Variants in FAM111B observed in about 807,000 individuals in gnomAD.
FAM111B encodes the protein FAM111 trypsin like peptidase B, also known as serine protease FAM111B.
A neutral mutation model predicts 2.8 loss-of-function variants in FAM111B; 1 was observed. The observed-to-expected ratio is 0.36, with a 90% CI of 0.13 to 1.70. FAM111B has a LOEUF of 1.70. Ranked by LOEUF, FAM111B falls within the 40% of genes most tolerant of loss-of-function variation. The probability of loss-of-function intolerance (pLI) is 0.35; values close to 1 mark genes in which losing one functional copy is unlikely to be tolerated. For missense variants in FAM111B, 882 were observed against 878.9 expected, an observed-to-expected ratio of 1.00 and a Z score of -0.04; for synonymous variants, 297 against 295.6, an observed-to-expected ratio of 1.00 and a Z score of -0.05.
intron 1 of FAM111B, 102 bp from the exon 2 acceptor site, chr11:59,108,566 C>G (rs1209346978): frequency 6.4e-6 from 1 of 156,316 alleles, no homozygotes; most frequent in Non-Finnish European, 1.4e-5. Context: ...TTATAGGATA[C>G]ATTTCAATTG....
chr11:59,124,236 A>G lies in FAM111B; in HGVS notation c.139A>G (p.Ile47Val), dbSNP rs1859970012. ...ACCTGTTGATCATTGTCTATCTGGC[A>G]TAAGAAAGTGTAGCAGCACCTTTAA... ...DTPVDHCLSG[I>V]RKCSSTFKLK... The change falls in exon 4 of 4, where the codon ATA (isoleucine) becomes GTA (valine). Residue 47 changes from isoleucine to valine, a missense_variant. By Grantham distance (29) the Ile-to-Val change is conservative. Coordinates refer to ENST00000343597, the MANE Select transcript of FAM111B (RefSeq NM_198947.4). 1.2e-6 allele frequency: 2 copies of G among 1,613,870 alleles called. No homozygotes were observed. Among genetic ancestry groups the G allele is most frequent in the South Asian group, 1.1e-5 (1 of 91,064 alleles).
chr11:59,114,820 A>C (rs374535419), intron 3 of FAM111B, among the ~76,000 whole-genome samples: 3 of 152,038 alleles, frequency 2.0e-5, no homozygotes, highest in African/African-American at 7.2e-5. Context: ...GTGTGTGTGC[A>C]TGCACGTGTG....
chr11:59,126,397 T>C lies in FAM111B; in HGVS notation c.*95T>C, dbSNP rs1447786856. 2 of 1,041,866 alleles carry C rather than the reference T, an allele frequency of 1.9e-6. No homozygotes were observed. The highest frequency in any genetic ancestry group is 2.7e-6 in the Non-Finnish European group (2 of 738,776). The allele number at this position is 1,041,866 out of a possible 1,614,324, so 64.5% of individuals were successfully genotyped here. A position where few individuals can be genotyped will look rare whatever the true frequency, so the allele number is the denominator to read the frequency against. On this transcript the variant is annotated 3_prime_UTR_variant, in exon 4 of 4. Transcript: ENST00000343597. ...AAGCAATTGCAACAAAAGTGAAAAT[T>C]GGCAAATGAGACCTAATTAAATCTT...
intron 3 of FAM111B, among the ~76,000 whole-genome samples, chr11:59,110,975 T>C (rs1366196536): frequency 2.0e-5 from 3 of 152,204 alleles, no homozygotes; most frequent in African/African-American, 7.2e-5. Context: ...ATAAAATGGA[T>C]TCGCTGGTTC....
Position 59,107,264 on chromosome 11 carries a change from C to A in FAM111B, c.-164C>A, listed in dbSNP as rs1459808830. ...ATCCAGAGCGGCGGGCACTGACGGG[C>A]ACTTGCACCGTGTGGACAGACTCTC... On this transcript the variant is annotated 5_prime_UTR_variant, in exon 1 of 4. Coordinates refer to ENST00000343597, the MANE Select transcript of FAM111B (RefSeq NM_198947.4). 1 of 152,452 alleles carries A rather than the reference C, an allele frequency of 6.6e-6. No homozygotes were observed. Among genetic ancestry groups the A allele is most frequent in the Non-Finnish European group, 1.5e-5 (1 of 68,268 alleles). The allele number at this position is 152,452 out of a possible 1,614,324, so 9.4% of individuals were successfully genotyped here.
rs564356481 is a variant in FAM111B, at chr11:59,117,525, A to G, written c.82-6654A>G. On this transcript the variant is annotated intron_variant, in intron 3 of 3. Coordinates refer to ENST00000343597, the MANE Select transcript of FAM111B (RefSeq NM_198947.4). ...TCCCCATAAGAGCCTGGCCTTTCAC[A>G]TATATTATCTCACTTACCAAGCACA... Among the ~76,000 whole-genome samples the G allele has an allele frequency of 3.3e-5, 5 of 152,228 alleles. No individual in the cohort carries two copies. The South Asian group carries it at 1.0e-3, about 32-fold the overall frequency.
chr11:59,114,909 G>A (rs1859816638), intron 3 of FAM111B, among the ~76,000 whole-genome samples: 1 of 152,176 alleles, frequency 6.6e-6, no homozygotes, highest in Non-Finnish European at 1.5e-5. Flanking sequence ...TGGCTTCTCT[G>A]ATAAGGTGAT....
intron 3 of FAM111B, among the ~76,000 whole-genome samples, chr11:59,116,212 T>C (rs61891822): frequency 0.028 from 4,249 of 152,256 alleles, 91 homozygotes; most frequent in Non-Finnish European, 0.045. Context: ...TTCCTCCTTA[T>C]TATTCCTCAG....
rs115111301 is a variant in FAM111B, at chr11:59,117,968, A to G, written c.82-6211A>G. Among the ~76,000 whole-genome samples the G allele has an allele frequency of 3.7e-3, 563 of 152,352 alleles. 5 individuals are homozygous for G. The highest frequency in any genetic ancestry group is 0.013 in the African/African-American group (529 of 41,578). On this transcript the variant is annotated intron_variant, in intron 3 of 3. Transcript: ENST00000343597. The stretch of plus-strand genomic sequence containing the variant: ...GGAGCAGGCTTGAGCAAGGGGCTCA[A>G]GAGCACTGGTTGCAGAATTTTCTGG...
chr11:59,125,547 T>A lies in FAM111B; in HGVS notation c.1450T>A (p.Tyr484Asn), dbSNP rs763426542. The part of the protein sequence containing the change: ...NATCFVFNGG[Y>N]IFTCRHVVHL... ...TACTTGCTTTGTCTTCAATGGTGGT[T>A]ATATTTTCACCTGTCGACATGTTGT... is the stretch of plus-strand genomic sequence containing the variant. The change falls in exon 4 of 4, where the codon TAT becomes AAT. Residue 484 changes from tyrosine to asparagine, a missense_variant. Coordinates refer to ENST00000343597, the MANE Select transcript of FAM111B (RefSeq NM_198947.4). 3.1e-6 allele frequency: 5 copies of A among 1,613,948 alleles called. No homozygotes were observed. In the South Asian group the frequency reaches 5.5e-5, roughly 18 times the overall value.
In FAM111B at chr11:59,125,740, T is replaced by C. The variant is rs954349734; in HGVS notation, c.1643T>C (p.Leu548Ser). ...AATGAAAATCTAGATTATGCCATTTTAAAACTAAAAGAAAATGGAAATGCG... is the reference window on the plus strand; with the variant it reads ...AATGAAAATCTAGATTATGCCATTTCAAAACTAAAAGAAAATGGAAATGCG... ...VSNENLDYAI[L>S]KLKENGNAFP... Residue 548 changes from leucine (L) to serine (S), a missense_variant, in exon 4 of 4, where the codon TTA becomes TCA. Coordinates refer to ENST00000343597, the MANE Select transcript of FAM111B (RefSeq NM_198947.4). 1.9e-6 allele frequency: 3 copies of C among 1,613,808 alleles called. No individual in the cohort carries two copies. The highest frequency in any genetic ancestry group is 1.7e-5 in the Admixed American group (1 of 60,000).
chr11:59,124,956 G>A lies in FAM111B; in HGVS notation c.859G>A (p.Glu287Lys). The A allele has an allele frequency of 6.2e-7, 1 of 1,609,248 alleles. No homozygotes were observed. The highest frequency in any genetic ancestry group is 8.5e-7 in the Non-Finnish European group (1 of 1,178,782). ...TATCCATAAAAAAATTAAACAGAAT[G>A]AAAGTGCCACTGATGAAATTAATCA... ...KDIHKKIKQN[E>K]SATDEINHQS... The change falls in exon 4 of 4, where the codon GAA (glutamate) becomes AAA (lysine). Residue 287 changes from glutamate to lysine, a missense_variant. Coordinates refer to ENST00000343597, the MANE Select transcript of FAM111B (RefSeq NM_198947.4).
At chr11:59,120,961 TA>T (rs1859911702) in intron 3 of FAM111B, among the ~76,000 whole-genome samples, 2 of 151,650 alleles carry the variant, frequency 1.3e-5, no homozygotes, top group South Asian at 4.2e-4. Context: ...CTGGAGTAAT[TA>T]GTTATCCACA....
intron 3 of FAM111B, among the ~76,000 whole-genome samples, chr11:59,115,927 C>G (rs1208335124): frequency 1.3e-5 from 2 of 152,194 alleles, no homozygotes; most frequent in Admixed American, 1.3e-4. Context: ...TTCTGGTAGT[C>G]AGCGGGTGTG....
Position 59,125,609 on chromosome 11 carries a change from G to A in FAM111B, c.1512G>A (p.Leu504=), listed in dbSNP as rs778584123. The change falls in exon 4 of 4, where the codon TTG becomes TTA. Residue 504 remains leucine (L), a synonymous_variant. Coordinates refer to ENST00000343597, the MANE Select transcript of FAM111B (RefSeq NM_198947.4). ...TGGGTAAAAACACACATCCAAGTTT[G>A]TGGCCAGATATAATTAGCAAATGTG... ...LMVGKNTHPS[L]WPDIISKCAK... The A allele has an allele frequency of 1.2e-6, 2 of 1,613,938 alleles. No individual in the cohort carries two copies. The highest frequency in any genetic ancestry group is 2.2e-5 in the East Asian group (1 of 44,872).
In FAM111B at chr11:59,121,901, TTGGGAGGCCGAGGCAGG is replaced by T. The variant is rs1453561934; in HGVS notation, c.82-2274_82-2258del. Among the ~76,000 whole-genome samples, 5 of 152,174 alleles carry T rather than the reference TTGGGAGGCCGAGGCAGG, an allele frequency of 3.3e-5. No individual in the cohort carries two copies. In the South Asian group the frequency reaches 8.3e-4, roughly 25 times the overall value. ...GGCTCACACCTGTAATCCCAGCACT[TTGGGAGGCCGAGGCAGG>T]TGGATCATGAGGTCAGGAGTTGAAG... On this transcript the variant is annotated intron_variant, in intron 3 of 3. Coordinates refer to ENST00000343597, the MANE Select transcript of FAM111B (RefSeq NM_198947.4).
chr11:59,125,566 A>G lies in FAM111B; in HGVS notation c.1469A>G (p.His490Arg). 2 of 1,613,914 alleles carry G rather than the reference A, an allele frequency of 1.2e-6. No homozygotes were observed. The highest frequency in any genetic ancestry group is 1.1e-5 in the South Asian group (1 of 91,080). The change falls in exon 4 of 4, where the codon CAT (histidine) becomes CGT (arginine). Residue 490 changes from histidine to arginine, a missense_variant. By Grantham distance (29) the His-to-Arg change is conservative. Coordinates refer to ENST00000343597, the MANE Select transcript of FAM111B (RefSeq NM_198947.4). ...FNGGYIFTCR[H>R]VVHLMVGKNT... Reference sequence around the variant, plus strand: ...GGTGGTTATATTTTCACCTGTCGACATGTTGTACATCTTATGGTGGGTAAA... The same window carrying G: ...GGTGGTTATATTTTCACCTGTCGACGTGTTGTACATCTTATGGTGGGTAAA...
At chr11:59,118,198 A>T (rs1254840453) in intron 3 of FAM111B, among the ~76,000 whole-genome samples, 1 of 152,178 alleles carries the variant, frequency 6.6e-6, no homozygotes, top group Non-Finnish European at 1.5e-5. Context: ...TTGTTACTTG[A>T]CTGTGGAGAG....
At chr11:59,121,836 T>C (rs1180772219) in intron 3 of FAM111B, among the ~76,000 whole-genome samples, 1 of 152,210 alleles carries the variant, frequency 6.6e-6, no homozygotes, top group African/African-American at 2.4e-5. Context: ...TTTCATCAAC[T>C]AGAATGAACC....
Sources: allele counts gnomAD v4.1 joint callset (sites outside exome capture counted in the v4.1 genomes callset), GRCh38; gene constraint gnomAD v4.1.1; transcripts MANE v1.5; gene names NCBI Gene and HGNC (gene_info 2026-07-23, HGNC 2026-07-21).